The following SBK1 variants were observed in gnomAD, a reference collection of about 807,000 sequenced individuals.
SBK1 encodes serine/threonine-protein kinase SBK1.
Under a neutral mutation model 24.4 loss-of-function variants are expected in SBK1, and 11 were observed. The ratio of observed to expected loss-of-function variants is 0.45; its 90% CI spans 0.28 to 0.75. The LOEUF is 0.75. SBK1 is among the 30% of genes least tolerant of loss of function. The pLI is 0.12. For missense variants in SBK1, 467 were observed against 620.5 expected (o/e 0.75, Z 2.63); for synonymous variants, 308 against 284.4 (o/e 1.08, Z -0.83).
chr16:28,264,089 A>G (rs1446389453), intron 1 of SBK1, among the ~76,000 whole-genome samples: 1 of 151,992 alleles, frequency 6.6e-6, no homozygotes, highest in East Asian at 1.9e-4. Context: ...TGATTGTGTC[A>G]CCACACTTTA....
At chr16:28,289,699 G>A (rs528317596), upstream of SBK1, among the ~76,000 whole-genome samples, 2 of 151,990 alleles carry the variant, frequency 1.3e-5, no homozygotes, top group African/African-American at 2.4e-5. Flanking sequence ...CCCGGGAGAC[G>A]GAGGCTGCAG....
chr16:28,299,129 C>G (rs1189166796), intron 1 of SBK1, among the ~76,000 whole-genome samples: 1 of 152,180 alleles, frequency 6.6e-6, no homozygotes, highest in Non-Finnish European at 1.5e-5. Context: ...AACGCAATCC[C>G]TAGATTCAGC....
At chr16:28,283,880 G>A (rs539930462) in intron 1 of SBK1, among the ~76,000 whole-genome samples, 2 of 152,122 alleles carry the variant, frequency 1.3e-5, no homozygotes, top group South Asian at 4.1e-4. Flanking sequence ...CTTTTTCCCA[G>A]GGTCTTCTCT....
chr16:28,314,956 G>A (rs933277744), intron 1 of SBK1, among the ~76,000 whole-genome samples: 2 of 152,142 alleles, frequency 1.3e-5, no homozygotes, highest in Non-Finnish European at 2.9e-5. Context: ...TCCAGCCCAG[G>A]TGACAAGAGA....
At chr16:28,303,310 G>C (rs1287900918) in intron 1 of SBK1, among the ~76,000 whole-genome samples, 3 of 152,218 alleles carry the variant, frequency 2.0e-5, no homozygotes, top group African/African-American at 7.2e-5. Flanking sequence ...TTAGTAAGTT[G>C]CTGTGGTAGC....
chr16:28,281,482 G>A (rs1028109092), intron 1 of SBK1, among the ~76,000 whole-genome samples: 6 of 152,164 alleles, frequency 3.9e-5, no homozygotes, highest in Non-Finnish European at 7.3e-5. Context: ...AAATGGGGAC[G>A]GGAGGTGGAT....
chr16:28,291,930 CTG>C (rs1282666676), upstream of SBK1: 6 of 152,234 alleles, frequency 3.9e-5, no homozygotes, highest in Non-Finnish European at 5.9e-5. Context: ...CCCAAGAAGA[CTG>C]TGAGTTCTCT....
upstream of SBK1, chr16:28,292,426 C>G (rs1226391379): frequency 1.6e-6 from 1 of 619,332 alleles, no homozygotes; most frequent in Admixed American, 7.5e-5. Flanking sequence ...GGGCGCGCGC[C>G]GAGCGGGACG....
In SBK1 at chr16:28,320,066, C is replaced by CCG. The variant is rs1347021179; in HGVS notation, c.430-8_430-7dup. The CCG allele has an allele frequency of 6.8e-7, 1 of 1,474,046 alleles. No homozygotes were observed. Among genetic ancestry groups the CCG allele is most frequent in the African/African-American group, 1.4e-5 (1 of 69,528 alleles). 91.3% of individuals were successfully genotyped at this position (1,474,046 alleles called of 1,614,324 possible). The stretch of plus-strand genomic sequence containing the variant: ...CTGGAAACAGCGCGGCTTCCCCCGG[C>CCG]CGCCCGCAGGTGGGGCTCCCTGAGG... On this transcript the variant is annotated splice_polypyrimidine_tract_variant and intron_variant, in intron 3 of 3. Transcript: ENST00000341901. This position sits in a 1 kb window ranked among gnomAD's most constrained non-coding sequence, Gnocchi z 8.5.
intron 1 of SBK1, among the ~76,000 whole-genome samples, chr16:28,282,906 T>C (rs1203176842): frequency 1.1e-5 from 1 of 94,640 alleles, no homozygotes; most frequent in Non-Finnish European, 2.4e-5. Context: ...TACTCTCGCA[T>C]TTTTATTTAT....
At chr16:28,308,779 GTTTGT>G (rs1174361913) in intron 1 of SBK1, among the ~76,000 whole-genome samples, 1 of 139,946 alleles carries the variant, frequency 7.1e-6, no homozygotes, top group Admixed American at 7.1e-5. Flanking sequence ...GTGTGTGTGT[GTTTGT>G]TTTGTTTTTA....
chr16:28,268,694 C>T (rs974177016), intron 1 of SBK1, among the ~76,000 whole-genome samples: 4 of 151,492 alleles, frequency 2.6e-5, no homozygotes, highest in Admixed American at 6.6e-5. Context: ...ACCTGGGAGG[C>T]GGAGGTTGCA....
chr16:28,293,031 C>G lies in SBK1; in HGVS notation c.-277C>G, dbSNP rs1020573639. 1.0e-6 allele frequency: 1 copy of G among 985,702 alleles called. No individual in the cohort carries two copies. Among genetic ancestry groups the G allele is most frequent in the Non-Finnish European group, 1.2e-6 (1 of 830,072 alleles). The allele number at this position is 985,702 out of a possible 1,614,324, so 61.1% of individuals were successfully genotyped here. The stretch of plus-strand genomic sequence containing the variant: ...AGACAAGAAGACCCAGCTCAGAACG[C>G]CCCTAGATCAGGGGATCCCAATTCC... On this transcript the variant is annotated 5_prime_UTR_variant, in exon 1 of 4. Coordinates refer to ENST00000341901, the MANE Select transcript of SBK1 (RefSeq NM_001024401.3).
rs1279574844 is a variant in SBK1, at chr16:28,259,269, A to G, written c.24A>G (p.Gln8=). ...AGAAGGCACAGGTGGCGGGCGGGCA[A>G]GTGCAGAGCCCTGAAGCCGACGGGC... Residue 8 remains glutamine, a synonymous_variant, in exon 1 of 4, where the codon CAA becomes CAG. Transcript: ENST00000671413. This position sits in a 1 kb window ranked among gnomAD's most constrained non-coding sequence, Gnocchi z 6.0. 2 of 157,242 alleles carry G rather than the reference A, an allele frequency of 1.3e-5. No homozygotes were observed. The highest frequency in any genetic ancestry group is 2.8e-5 in the Non-Finnish European group (2 of 72,714). 9.7% of individuals were successfully genotyped at this position (157,242 alleles called of 1,614,324 possible).
intron 1 of SBK1, among the ~76,000 whole-genome samples, chr16:28,279,051 C>A (rs1319853815): frequency 6.6e-6 from 1 of 151,840 alleles, no homozygotes; most frequent in African/African-American, 2.4e-5. Context: ...CATGGTCAAA[C>A]CCGCTCTCTA....
chr16:28,307,221 C>T (rs1420491612), intron 1 of SBK1, among the ~76,000 whole-genome samples: 2 of 152,198 alleles, frequency 1.3e-5, no homozygotes, highest in African/African-American at 2.4e-5. Context: ...TACCAAGCGC[C>T]TCATGTAAAT....
chr16:28,309,605 T>C (rs2044740261), intron 1 of SBK1, among the ~76,000 whole-genome samples: 1 of 152,140 alleles, frequency 6.6e-6, no homozygotes, highest in Non-Finnish European at 1.5e-5. Flanking sequence ...TTTTTCAAAA[T>C]AGGAATTCAA....
chr16:28,296,771 C>G (rs2044643790), intron 1 of SBK1, among the ~76,000 whole-genome samples: 1 of 152,188 alleles, frequency 6.6e-6, no homozygotes, highest in Non-Finnish European at 1.5e-5. Context: ...CCTGTTTTCT[C>G]TGTCCCACTT....
chr16:28,317,498 T>C lies in SBK1; in HGVS notation c.107T>C (p.Met36Thr), dbSNP rs1567680559. The change falls in exon 2 of 4, where the codon ATG becomes ACG. Residue 36 changes from methionine to threonine, a missense_variant. Physicochemically the swap from Met to Thr is moderately conservative, Grantham distance 81. This residue lies in a region of SBK1 where 123 missense variants were observed against 158.2 expected (regional missense o/e 0.78). Transcript: ENST00000341901. The surrounding 1 kb of genome is among the most constrained non-coding windows in gnomAD (Gnocchi z 4.2). ...GAGVPLLTED[M>T]QALTLRTLAA... ...GGTGTGCCCCTTCTCACTGAAGACA[T>C]GCAGGCCCTGACTCTCCGCACACTG... is the stretch of plus-strand genomic sequence containing the variant. The C allele has an allele frequency of 2.5e-6, 4 of 1,613,984 alleles. No homozygotes were observed. The highest frequency in any genetic ancestry group is 3.4e-6 in the Non-Finnish European group (4 of 1,180,012).
Sources: gnomAD v4.1 joint callset for allele counts (sites outside exome capture counted in the v4.1 genomes callset) on GRCh38, gnomAD v4.1.1 for gene constraint, gnomAD v4.1.1 regional missense constraint, Gnocchi (gnomAD v3.1) non-coding constraint, MANE v1.5 for transcripts, NCBI Gene and HGNC (gene_info 2026-07-23, HGNC 2026-07-21) for gene names.